SYNPO2: variants seen among roughly 807,000 people sequenced by gnomAD.
SYNPO2 encodes synaptopodin-2.
A neutral mutation model predicts 85.0 loss-of-function variants in SYNPO2; 56 were observed. The observed-to-expected ratio is 0.66, with a 90% CI of 0.53 to 0.82. SYNPO2 has a LOEUF of 0.82. SYNPO2 is among the 40% of genes least tolerant of loss of function. The pLI is 0.00. For synonymous variants in SYNPO2, 602 were observed against 591.1 expected (o/e 1.02, Z -0.27); for missense variants, 1,575 against 1,534.2 (o/e 1.03, Z -0.44).
At chr4:118,884,548 G>T (rs1280240916), upstream of SYNPO2, among the ~76,000 whole-genome samples, 2 of 152,320 alleles carry the variant, frequency 1.3e-5, no homozygotes, top group African/African-American at 4.8e-5. Context: ...GCTGGGGTGG[G>T]AGGATCAATT....
chr4:118,903,137 T>C (rs532289469), intron 1 of SYNPO2, among the ~76,000 whole-genome samples: 113 of 152,272 alleles, frequency 7.4e-4, no homozygotes, highest in African/African-American at 2.7e-3. Flanking sequence ...ATTACTTAGT[T>C]TTATAGGTGA....
intron 1 of SYNPO2, among the ~76,000 whole-genome samples, chr4:118,974,232 T>A (rs2149158188): frequency 6.6e-6 from 1 of 152,374 alleles, no homozygotes; most frequent in Non-Finnish European, 1.5e-5. Context: ...CTCAGTGGGA[T>A]GAGATAGAAA....
intron 1 of SYNPO2, among the ~76,000 whole-genome samples, chr4:118,926,231 T>C (rs147374353): frequency 3.2e-4 from 49 of 152,306 alleles, no homozygotes; most frequent in African/African-American, 1.1e-3. Context: ...CAAGCAATGA[T>C]ACAACTCTTC....
intron 1 of SYNPO2, among the ~76,000 whole-genome samples, chr4:119,011,308 T>C (rs931233432): frequency 8.6e-5 from 13 of 151,844 alleles, no homozygotes; most frequent in Admixed American, 2.6e-4. Flanking sequence ...CATATGTTTA[T>C]CTCCATAAAT....
chr4:118,883,767 G>A (rs1382596152), intron 1 of SYNPO2, among the ~76,000 whole-genome samples: 3 of 151,020 alleles, frequency 2.0e-5, no homozygotes, highest in Non-Finnish European at 2.9e-5. Context: ...AAAAGGAGGC[G>A]GGCTTATGTG....
intron 1 of SYNPO2, among the ~76,000 whole-genome samples, chr4:118,919,634 G>C (rs1390971010): frequency 1.3e-5 from 2 of 152,158 alleles, no homozygotes; most frequent in African/African-American, 2.4e-5. Flanking sequence ...GATGGTATAG[G>C]GGACAGTGGA....
rs78807271 is a variant in SYNPO2, at chr4:118,970,501, T to G, written c.106-52929T>G. ...CCTCCAATTTTTTTACTATATACCC[T>G]GTAATAACTTGATACCTCCCTTGGA... On this transcript the variant is annotated intron_variant, in intron 1 of 4. Transcript: ENST00000307142. 6.3e-3 allele frequency among the ~76,000 whole-genome samples: 963 copies of G among 152,308 alleles called. 54 individuals carry two copies. The East Asian group carries it at 0.14, about 22-fold the overall frequency.
intron 1 of SYNPO2, among the ~76,000 whole-genome samples, chr4:118,981,175 A>G (rs1186361946): frequency 6.6e-6 from 1 of 152,206 alleles, no homozygotes; most frequent in African/African-American, 2.4e-5. Flanking sequence ...CCAAAGTACC[A>G]CAAACAATGC....
chr4:118,869,338 A>G (rs2110571017), intron 1 of SYNPO2, among the ~76,000 whole-genome samples: 1 of 152,278 alleles, frequency 6.6e-6, no homozygotes, highest in African/African-American at 2.4e-5. Flanking sequence ...TACATGAGCC[A>G]CTGCACCCAG....
intron 1 of SYNPO2, among the ~76,000 whole-genome samples, chr4:119,021,656 G>C (rs959117375): frequency 3.3e-5 from 5 of 152,158 alleles, no homozygotes; most frequent in African/African-American, 1.2e-4. Flanking sequence ...TCAATATAAT[G>C]CAATGCAGAG....
At position 119,057,447 on chromosome 4, in the gene SYNPO2, C is replaced by T. The variant is rs201996079; in HGVS notation, c.3299C>T (p.Pro1100Leu). 1.8e-5 allele frequency: 29 copies of T among 1,613,266 alleles called. 1 individual carries two copies. The East Asian group carries it at 4.9e-4, about 27-fold the overall frequency. The change falls in exon 5 of 5, where the codon CCC becomes CTC. Residue 1100 changes from proline (P) to leucine (L), a missense_variant. Physicochemically the swap from Pro to Leu is moderately conservative, Grantham distance 98. This residue lies in a region of SYNPO2 where 1,508 missense variants were observed against 1,446.8 expected (regional missense o/e 1.04). Coordinates refer to ENST00000307142, the MANE Select transcript of SYNPO2 (RefSeq NM_133477.3). ...LSLPGRSVPP[P>L]ISTSPWVYQP... ...CTTCCTGGAAGATCAGTCCCACCCC[C>T]CATTTCTACATCTCCTTGGGTATAC...
intron 1 of SYNPO2, among the ~76,000 whole-genome samples, chr4:119,015,831 G>A (rs1030673246): frequency 6.6e-6 from 1 of 152,188 alleles, no homozygotes; most frequent in Non-Finnish European, 1.5e-5. Context: ...TACACCTTCA[G>A]TGAGTGGCCC....
At chr4:118,976,602 C>T (rs1020200225) in intron 1 of SYNPO2, among the ~76,000 whole-genome samples, 3 of 152,146 alleles carry the variant, frequency 2.0e-5, no homozygotes, top group African/African-American at 7.2e-5. Context: ...AATCCCTGAG[C>T]TAGATACAAA....
chr4:118,941,226 T>C (rs1342375398), intron 1 of SYNPO2, among the ~76,000 whole-genome samples: 2 of 152,158 alleles, frequency 1.3e-5, no homozygotes, highest in Non-Finnish European at 2.9e-5. Flanking sequence ...TCTTCCTTTC[T>C]CCTCCTCCCT....
chr4:118,977,305 C>T (rs536317326), intron 1 of SYNPO2, among the ~76,000 whole-genome samples: 4 of 152,350 alleles, frequency 2.6e-5, no homozygotes, highest in East Asian at 1.9e-4. Flanking sequence ...GCTAAGTCCC[C>T]CATTGCCCGA....
chr4:119,049,164 C>T (rs1012674331), intron 4 of SYNPO2, among the ~76,000 whole-genome samples: 6 of 152,144 alleles, frequency 3.9e-5, no homozygotes, highest in Non-Finnish European at 7.4e-5. Context: ...GAGCAGTCAA[C>T]ACTGATTCCC....
intron 1 of SYNPO2, among the ~76,000 whole-genome samples, chr4:118,860,552 CT>C (rs34644748): frequency 8.8e-6 from 1 of 114,106 alleles, no homozygotes; most frequent in African/African-American, 3.6e-5. Context: ...CCTCTTTTGC[CT>C]TTTTTTTTGT....
At chr4:118,923,862 G>A (rs1733622370) in intron 1 of SYNPO2, among the ~76,000 whole-genome samples, 1 of 143,200 alleles carries the variant, frequency 7.0e-6, no homozygotes, top group Non-Finnish European at 1.5e-5. Context: ...CACGAGGAAA[G>A]GACAGACATT....
intron 1 of SYNPO2, among the ~76,000 whole-genome samples, chr4:118,874,948 T>C (rs1005821057): frequency 6.6e-6 from 1 of 152,182 alleles, no homozygotes. Flanking sequence ...GGTAGTTTGC[T>C]GCACAGATCA....
Sources: allele counts gnomAD v4.1 joint callset (sites outside exome capture counted in the v4.1 genomes callset), GRCh38; gene constraint gnomAD v4.1.1; regional missense constraint gnomAD v4.1.1; transcripts MANE v1.5; gene names NCBI Gene and HGNC (gene_info 2026-07-23, HGNC 2026-07-21).